WWC1: variants seen among roughly 807,000 people sequenced by gnomAD.
WWC1 encodes WW and C2 domain containing 1.
In WWC1, 55 loss-of-function variants were observed where a neutral mutation model predicts 138.4. The observed-to-expected ratio is 0.40, with a 90% CI of 0.32 to 0.50. The LOEUF (loss-of-function observed/expected upper bound fraction) is 0.50. Ranked by LOEUF, WWC1 falls within the 20% of genes least tolerant of loss-of-function variation. WWC1 has a pLI of 0.72. For missense variants in WWC1, 1,226 were observed against 1,420.4 expected (o/e 0.86, Z 2.20); for synonymous variants, 524 against 564.9 (o/e 0.93, Z 1.03).
chr5:168,399,542 G>C lies in WWC1; in HGVS notation c.565G>C (p.Glu189Gln). ...VHLQHELQFKERGFQTLKKID... is the reference protein window; with the variant it reads ...VHLQHELQFKQRGFQTLKKID... ...CCTCCAGCACGAGCTGCAGTTCAAA[G>C]AGCGTGGCTTTCAGACCCTGAAGAA... The change falls in exon 5 of 23, where the codon GAG becomes CAG. Residue 189 changes from glutamate to glutamine, a missense_variant. Glu to Gln is a conservative substitution (Grantham distance 29). Coordinates refer to ENST00000265293, the MANE Select transcript of WWC1 (RefSeq NM_015238.3). The C allele has an allele frequency of 1.2e-6, 2 of 1,614,150 alleles. No homozygotes were observed.
At chr5:168,465,866 G>A (rs923525173) in intron 21 of WWC1, among the ~76,000 whole-genome samples, 1 of 152,060 alleles carries the variant, frequency 6.6e-6, no homozygotes, top group African/African-American at 2.4e-5. Context: ...CTTGCACTGC[G>A]CTTTGACAGG....
intron 9 of WWC1, chr5:168,416,305 C>T (rs1376944325): frequency 6.6e-6 from 1 of 152,208 alleles, no homozygotes; most frequent in Non-Finnish European, 1.5e-5. Context: ...GATCCACCAC[C>T]AGTTGGTGGG....
intron 1 of WWC1, among the ~76,000 whole-genome samples, chr5:168,328,342 G>A (rs993012987): frequency 1.3e-5 from 2 of 152,136 alleles, no homozygotes; most frequent in African/African-American, 4.8e-5. Context: ...TTCACTTGCT[G>A]GTGAACAACA....
At chr5:168,378,592 A>G (rs565688709) in intron 2 of WWC1, among the ~76,000 whole-genome samples, 3 of 152,244 alleles carry the variant, frequency 2.0e-5, no homozygotes, top group Non-Finnish European at 2.9e-5. Context: ...ATTTCCAAGT[A>G]TAGGATTTTG....
At position 168,455,490 on chromosome 5, in the gene WWC1, C is replaced by T. The variant is rs148015702; in HGVS notation, c.2793C>T (p.Ser931=). Residue 931 remains serine, a synonymous_variant, in exon 19 of 23, where the codon TCC becomes TCT. Transcript: ENST00000265293. The stretch of plus-strand genomic sequence containing the variant: ...CCATCATCCGCTCTAAGACCTTCTC[C>T]CCAGGACCCCAGAGCCAGTACGTGT... ...GSTIIRSKTF[S]PGPQSQYVCR... The T allele has an allele frequency of 6.2e-7, 1 of 1,613,012 alleles. No homozygotes were observed. The highest frequency in any genetic ancestry group is 1.3e-5 in the African/African-American group (1 of 74,886).
intron 1 of WWC1, among the ~76,000 whole-genome samples, chr5:168,336,969 T>C (rs1318054970): frequency 6.6e-6 from 1 of 152,218 alleles, no homozygotes; most frequent in African/African-American, 2.4e-5. Context: ...TGAGCTGATA[T>C]TACGAATCTT....
intron 15 of WWC1, among the ~76,000 whole-genome samples, chr5:168,434,708 A>AT (rs1782223816): frequency 6.6e-6 from 1 of 152,156 alleles, no homozygotes; most frequent in Non-Finnish European, 1.5e-5. Flanking sequence ...CCAGACCCAG[A>AT]TTACAGGTTT....
At position 168,414,489 on chromosome 5, in the gene WWC1, G is replaced by A; in HGVS notation, c.1083G>A (p.Lys361=). ...LKEMRFISPR[K]WTQGEVEQLE... is the part of the protein sequence containing the mutation. Reference sequence around the variant, plus strand: ...AGATGCGCTTCATCAGCCCCCGCAAGTGGACCCAGGGGGAGGTGGAGCAGC... The same window carrying A: ...AGATGCGCTTCATCAGCCCCCGCAAATGGACCCAGGGGGAGGTGGAGCAGC... The change falls in exon 9 of 23, where the codon AAG becomes AAA. Residue 361 remains lysine, a synonymous_variant. Coordinates refer to ENST00000265293, the MANE Select transcript of WWC1 (RefSeq NM_015238.3). 1.3e-6 allele frequency: 2 copies of A among 1,561,412 alleles called. No homozygotes were observed. Among genetic ancestry groups the A allele is most frequent in the Non-Finnish European group, 1.7e-6 (2 of 1,152,138 alleles).
chr5:168,410,195 GAC>G (rs1316782358), intron 8 of WWC1, 200 bp downstream of exon 8: 2 of 585,202 alleles, frequency 3.4e-6, no homozygotes, highest in Admixed American at 3.0e-5. Context: ...CACTTCACAA[GAC>G]AGAGAGTGAA....
chr5:168,388,690 C>T (rs1345289790), intron 3 of WWC1, among the ~76,000 whole-genome samples: 3 of 151,862 alleles, frequency 2.0e-5, no homozygotes, highest in South Asian at 4.2e-4. Context: ...ATTAGCTGGG[C>T]GTGGTGGCAC....
chr5:168,373,872 C>G (rs896527171), intron 2 of WWC1, among the ~76,000 whole-genome samples: 1 of 151,550 alleles, frequency 6.6e-6, no homozygotes, highest in African/African-American at 2.4e-5. Context: ...GAGTGAAACC[C>G]CATCTCTATT....
At chr5:168,337,670 A>G (rs1274655682) in intron 1 of WWC1, among the ~76,000 whole-genome samples, 2 of 152,382 alleles carry the variant, frequency 1.3e-5, no homozygotes, top group South Asian at 4.1e-4. Context: ...TGTTTGTGCT[A>G]CAGACGGTAA....
rs1194679764 is a variant in WWC1 at position 168,441,783 on chromosome 5, G to A, written c.2382G>A (p.Arg794=). 1.2e-6 allele frequency: 2 copies of A among 1,614,152 alleles called. No individual in the cohort carries two copies. The highest frequency in any genetic ancestry group is 1.3e-5 in the African/African-American group (1 of 75,058). ...LSYKYLKKQS[R]ELKPVGVMAP... is the part of the protein sequence containing the mutation. ...ACAAATACTTGAAGAAACAGAGCAGGGAGCTCAAGCCAGTGGGAGTCATGG... is the reference window on the plus strand; with the variant it reads ...ACAAATACTTGAAGAAACAGAGCAGAGAGCTCAAGCCAGTGGGAGTCATGG... The change falls in exon 16 of 23, where the codon AGG becomes AGA. Residue 794 remains arginine, a synonymous_variant. Transcript: ENST00000265293.
intron 1 of WWC1, among the ~76,000 whole-genome samples, chr5:168,307,087 G>A (rs994203979): frequency 6.6e-6 from 1 of 152,220 alleles, no homozygotes; most frequent in African/African-American, 2.4e-5. Context: ...ACAACTCTAG[G>A]TTGTGCCAAG....
rs755731288 is a variant in WWC1, at chr5:168,464,887, C to T, written c.3075C>T (p.His1025=). 15 of 1,614,078 alleles carry T rather than the reference C, an allele frequency of 9.3e-6. No individual in the cohort carries two copies. The highest frequency in any genetic ancestry group is 5.3e-5 in the African/African-American group (4 of 74,940). ...AGCAGCTGGAACAAGCCAAGAGCCA[C>T]GGGGAGAAGGAGCTGCCACAGTGGT... ...LKEQLEQAKS[H]GEKELPQWLR... is the part of the protein sequence containing the mutation. Residue 1025 remains histidine, a synonymous_variant, in exon 21 of 23, where the codon CAC becomes CAT. Coordinates refer to ENST00000265293, the MANE Select transcript of WWC1 (RefSeq NM_015238.3).
rs528374096 is a variant in WWC1 at position 168,360,164 on chromosome 5, C to G, written c.120-11260C>G. 5.3e-5 allele frequency among the ~76,000 whole-genome samples: 8 copies of G among 152,348 alleles called. No homozygotes were observed. The South Asian group carries it at 1.7e-3, about 32-fold the overall frequency. Reference sequence around the variant, plus strand: ...GATGCCTTTGATATATGTGCACACACAGGCAGTGACAGCTCCATCAGGACT... The same window carrying G: ...GATGCCTTTGATATATGTGCACACAGAGGCAGTGACAGCTCCATCAGGACT... On this transcript the variant is annotated intron_variant, in intron 1 of 22. Coordinates refer to ENST00000265293, the MANE Select transcript of WWC1 (RefSeq NM_015238.3).
At chr5:168,315,663 A>G (rs1489442463) in intron 1 of WWC1, among the ~76,000 whole-genome samples, 1 of 152,086 alleles carries the variant, frequency 6.6e-6, no homozygotes, top group East Asian at 1.9e-4. Context: ...GGCCCAGCAG[A>G]AAGTTTTGCC....
intron 3 of WWC1, among the ~76,000 whole-genome samples, chr5:168,394,760 A>G (rs1039306182): frequency 6.6e-6 from 1 of 152,158 alleles, no homozygotes; most frequent in African/African-American, 2.4e-5. Context: ...AGTAGAGGAT[A>G]GTGAAGGGAT....
At chr5:168,424,126 G>T in intron 11 of WWC1, 58 bp downstream of exon 11, 1 of 1,522,660 alleles carries the variant, frequency 6.6e-7, no homozygotes, top group South Asian at 1.3e-5. Flanking sequence ...GATACTCTGT[G>T]CTCAGAACCC....
Sources: allele counts gnomAD v4.1 joint callset (sites outside exome capture counted in the v4.1 genomes callset), GRCh38; gene constraint gnomAD v4.1.1; transcripts MANE v1.5; gene names NCBI Gene and HGNC (gene_info 2026-07-23, HGNC 2026-07-21).